ACOXL: variants seen among roughly 807,000 people sequenced by gnomAD.
The protein encoded by ACOXL is acyl-coenzyme A oxidase-like protein.
In ACOXL, 70 loss-of-function variants were observed where a neutral mutation model predicts 71.9. The observed-to-expected ratio is 0.97, with a 90% CI of 0.80 to 1.19. The LOEUF is 1.19. ACOXL is among the 50% of genes most tolerant of loss of function. ACOXL has a pLI of 0.00. For synonymous variants in ACOXL, 253 were observed against 281.6 expected, an observed-to-expected ratio of 0.90 and a Z score of 1.02; for missense variants, 703 against 736.3, an observed-to-expected ratio of 0.95 and a Z score of 0.52.
intron 1 of ACOXL, among the ~76,000 whole-genome samples, chr2:110,751,249 C>T (rs928180796): frequency 6.9e-6 from 1 of 144,996 alleles, no homozygotes; most frequent in Non-Finnish European, 1.5e-5. Flanking sequence ...TGCAGTGAGC[C>T]GAGATCGTGC....
intron 13 of ACOXL, among the ~76,000 whole-genome samples, chr2:110,988,894 T>TGTGTGTGTGG (rs2063054951): frequency 6.7e-6 from 1 of 149,218 alleles, no homozygotes; most frequent in Non-Finnish European, 1.5e-5. Context: ...TGTGTGTGTG[T>TGTGTGTGTGG]CTTGTTCTTA....
chr2:110,943,195 A>T (rs2060953906), intron 12 of ACOXL, among the ~76,000 whole-genome samples: 1 of 149,808 alleles, frequency 6.7e-6, no homozygotes, highest in Non-Finnish European at 1.5e-5. Flanking sequence ...GGAAGGAAGG[A>T]AAGAGAAAGG....
chr2:110,897,073 A>G (rs1228683613), intron 10 of ACOXL, among the ~76,000 whole-genome samples: 1 of 152,212 alleles, frequency 6.6e-6, no homozygotes, highest in African/African-American at 2.4e-5. Context: ...TGTAACAAAG[A>G]TAACAGGAAA....
At chr2:111,077,371 C>G (rs930006326) in intron 16 of ACOXL, among the ~76,000 whole-genome samples, 1 of 152,164 alleles carries the variant, frequency 6.6e-6, no homozygotes, top group Non-Finnish European at 1.5e-5. Context: ...TCATATGCAT[C>G]TTATCAGTAC....
chr2:110,889,972 C>T (rs12474757), intron 10 of ACOXL, among the ~76,000 whole-genome samples: 47,399 of 152,064 alleles, frequency 0.31, 7,747 homozygotes, highest in Middle Eastern at 0.38. Flanking sequence ...GCCATACTTG[C>T]TATTATCTGC....
chr2:110,919,966 A>G (rs534676581), intron 11 of ACOXL, among the ~76,000 whole-genome samples: 1 of 152,328 alleles, frequency 6.6e-6, no homozygotes, highest in Non-Finnish European at 1.5e-5. Context: ...TATCCATTTA[A>G]CTAGGGAGGA....
At chr2:111,039,021 G>T (rs902714008) in intron 15 of ACOXL, among the ~76,000 whole-genome samples, 3 of 152,294 alleles carry the variant, frequency 2.0e-5, no homozygotes, top group African/African-American at 7.2e-5. Context: ...GTGCCTCCTG[G>T]CATGTTCTCA....
At chr2:110,734,470 C>T (rs1359306511) in intron 1 of ACOXL, among the ~76,000 whole-genome samples, 2 of 152,036 alleles carry the variant, frequency 1.3e-5, no homozygotes, top group East Asian at 1.9e-4. Context: ...GGGGTTTCAC[C>T]GTGTTGGCCA....
chr2:111,060,967 CTG>C (rs2066786173), intron 16 of ACOXL, among the ~76,000 whole-genome samples: 2 of 152,046 alleles, frequency 1.3e-5, no homozygotes, highest in South Asian at 4.1e-4. Flanking sequence ...ATGACTGACT[CTG>C]TACAACAGAA....
chr2:110,954,219 T>A (rs2061422659), intron 12 of ACOXL, among the ~76,000 whole-genome samples: 1 of 152,232 alleles, frequency 6.6e-6, no homozygotes, highest in Non-Finnish European at 1.5e-5. Flanking sequence ...TGTTATATGC[T>A]TATAGTTTCA....
intron 11 of ACOXL, among the ~76,000 whole-genome samples, chr2:110,921,455 C>T (rs1392215336): frequency 1.5e-5 from 2 of 134,536 alleles, no homozygotes; most frequent in African/African-American, 2.7e-5. Flanking sequence ...TGCAGTGGCG[C>T]CATCTCAGCT....
intron 1 of ACOXL, among the ~76,000 whole-genome samples, chr2:110,751,292 C>G (rs978088456): frequency 7.0e-6 from 1 of 142,262 alleles, no homozygotes; most frequent in Non-Finnish European, 1.5e-5. Context: ...GAGCGAGACT[C>G]CGTCTCAAAA....
chr2:110,978,245 T>C (rs990029410), intron 12 of ACOXL, among the ~76,000 whole-genome samples: 1 of 152,164 alleles, frequency 6.6e-6, no homozygotes, highest in Non-Finnish European at 1.5e-5. Flanking sequence ...ACCTTGAATA[T>C]TGTATCCTCA....
chr2:111,117,726 G>A lies in ACOXL; in HGVS notation c.1653G>A (p.Arg551=), dbSNP rs1446216496. Residue 551 remains arginine (R), a synonymous_variant, in exon 18 of 18, where the codon CGG becomes CGA. Transcript: ENST00000439055. The part of the protein sequence containing the change: ...HAPIAGISNP[R]AAWAFYPAPL... ...CAATCGCCGGAATCTCCAACCCGCGGGCCGCGTGGGCTTTCTACCCTGCAC... is the reference window on the plus strand; with the variant it reads ...CAATCGCCGGAATCTCCAACCCGCGAGCCGCGTGGGCTTTCTACCCTGCAC... 1 of 1,551,694 alleles carries A rather than the reference G, an allele frequency of 6.4e-7. No homozygotes were observed. Among genetic ancestry groups the A allele is most frequent in the Non-Finnish European group, 8.7e-7 (1 of 1,147,004 alleles).
intron 12 of ACOXL, among the ~76,000 whole-genome samples, chr2:110,943,111 A>G (rs1391990989): frequency 6.8e-6 from 1 of 147,440 alleles, no homozygotes; most frequent in Admixed American, 6.7e-5. Context: ...AAGGTAGGAA[A>G]GAGGAAGGAA....
intron 11 of ACOXL, among the ~76,000 whole-genome samples, chr2:110,926,065 A>G (rs1245761278): frequency 2.0e-5 from 3 of 152,116 alleles, no homozygotes; most frequent in Non-Finnish European, 2.9e-5. Context: ...ACATTTACCA[A>G]TTAAGTTCAC....
At chr2:110,805,188 T>G in intron 8 of ACOXL, 75 bp from the exon 9 acceptor site, 1 of 1,578,274 alleles carries the variant, frequency 6.3e-7, no homozygotes, top group Non-Finnish European at 8.6e-7. Context: ...TGTATGCACA[T>G]GGGAGCCACC....
intron 12 of ACOXL, among the ~76,000 whole-genome samples, chr2:110,941,835 G>GGC: frequency 6.6e-6 from 1 of 152,230 alleles, no homozygotes; most frequent in Admixed American, 6.5e-5. Context: ...TCTTCAGGCA[G>GGC]AAGGAAAATG....
chr2:110,885,611 T>G (rs1038911594), intron 10 of ACOXL, among the ~76,000 whole-genome samples: 2 of 152,208 alleles, frequency 1.3e-5, no homozygotes, highest in African/African-American at 4.8e-5. Context: ...CAAATTCGAC[T>G]CCACGAAAGC....
Sources: allele counts gnomAD v4.1 joint callset (sites outside exome capture counted in the v4.1 genomes callset), GRCh38; gene constraint gnomAD v4.1.1; transcripts MANE v1.5; gene names NCBI Gene and HGNC (gene_info 2026-07-23, HGNC 2026-07-21).